Variants in CLPB observed in about 807,000 individuals in gnomAD.
CLPB encodes the protein ClpB family mitochondrial disaggregase.
Under a neutral mutation model 78.4 loss-of-function variants are expected in CLPB, and 40 were observed. The ratio of observed to expected loss-of-function variants is 0.51; its 90% CI spans 0.40 to 0.66. The LOEUF (loss-of-function observed/expected upper bound fraction) is 0.66. CLPB is among the 30% of genes least tolerant of loss of function. CLPB has a pLI of 0.00. For synonymous variants in CLPB, 333 were observed against 348.0 expected, an observed-to-expected ratio of 0.96 and a Z score of 0.48; for missense variants, 780 against 886.9, an observed-to-expected ratio of 0.88 and a Z score of 1.53.
intron 4 of CLPB, among the ~76,000 whole-genome samples, chr11:72,375,314 C>G (rs1854653398): frequency 6.6e-6 from 1 of 152,164 alleles, no homozygotes; most frequent in Non-Finnish European, 1.5e-5. Context: ...TAACGGCCTT[C>G]AGAATAGAGA....
Position 72,291,029 on chromosome 11 carries a change from T to C in CLPB, c.*2338A>G, listed in dbSNP as rs1049812849. 1.3e-5 allele frequency: 2 copies of C among 151,862 alleles called. No homozygotes were observed. Among genetic ancestry groups the C allele is most frequent in the African/African-American group, 4.8e-5 (2 of 41,376 alleles). The allele number at this position is 151,862 out of a possible 1,614,324, so 9.4% of individuals were successfully genotyped here. On this transcript the variant is annotated 3_prime_UTR_variant, in exon 16 of 16. Coordinates refer to ENST00000538039, the MANE Select transcript of CLPB (RefSeq NM_001258392.3). ...GAATAGCACAGTATCACTTCTGTGGTTGTCTTGGCAAAAATGCAGATCCTC... is the reference window on the plus strand; with the variant it reads ...GAATAGCACAGTATCACTTCTGTGGCTGTCTTGGCAAAAATGCAGATCCTC...
At chr11:72,399,743 C>T (rs1409183606) in intron 3 of CLPB, among the ~76,000 whole-genome samples, 7 of 152,230 alleles carry the variant, frequency 4.6e-5, no homozygotes, top group African/African-American at 1.4e-4. Context: ...AGGTTCTCTG[C>T]TTTCAGCCTT....
At chr11:72,294,155 G>C (rs1449106154) in intron 14 of CLPB, 29 bp from the exon 15 acceptor site, 5 of 1,609,172 alleles carry the variant, frequency 3.1e-6, no homozygotes, top group Non-Finnish European at 4.3e-6. Context: ...AAGCATGCCT[G>C]CATGTGGCCC....
intron 7 of CLPB, among the ~76,000 whole-genome samples, chr11:72,314,947 T>C (rs1438640391): frequency 6.6e-6 from 1 of 152,072 alleles, no homozygotes; most frequent in Non-Finnish European, 1.5e-5. Context: ...ACAGGAGTGG[T>C]ACTGTTAGAT....
At chr11:72,365,283 T>C (rs927078846) in intron 4 of CLPB, among the ~76,000 whole-genome samples, 7 of 152,218 alleles carry the variant, frequency 4.6e-5, no homozygotes, top group Non-Finnish European at 7.4e-5. Flanking sequence ...GATCACACCA[T>C]TGCACTCCAG....
chr11:72,365,324 A>T (rs149167172), intron 4 of CLPB, among the ~76,000 whole-genome samples: 68 of 152,314 alleles, frequency 4.5e-4, no homozygotes, highest in Admixed American at 3.9e-3. Flanking sequence ...CCTGTCTCAA[A>T]AAATAAAATA....
intron 3 of CLPB, among the ~76,000 whole-genome samples, chr11:72,391,491 C>A (rs181524561): frequency 8.5e-5 from 13 of 152,324 alleles, no homozygotes; most frequent in African/African-American, 2.9e-4. Context: ...TTTCCCAGCT[C>A]CCTGCCCAGT....
At position 72,434,272 on chromosome 11, in the gene CLPB, G is replaced by T. The variant is rs746191886; in HGVS notation, c.203C>A (p.Ala68Glu). 2 of 1,612,892 alleles carry T rather than the reference G, an allele frequency of 1.2e-6. No individual in the cohort carries two copies. The highest frequency in any genetic ancestry group is 1.7e-6 in the Non-Finnish European group (2 of 1,179,812). The change falls in exon 1 of 16, where the codon GCA (alanine) becomes GAA (glutamate). Residue 68 changes from alanine (A) to glutamate (E), a missense_variant. Physicochemically the swap from Ala to Glu is moderately radical, Grantham distance 107. Coordinates refer to ENST00000538039, the MANE Select transcript of CLPB (RefSeq NM_001258392.3). ...TSPALFSGRG[A>E]ATGGRQGGRF... ...TCCTCCCTGGCGCCCCCCGGTGGCT[G>T]CCCCACGTCCGGAGAACAAGGCCGG...
chr11:72,424,916 CAAA>C (rs936178645), intron 2 of CLPB, among the ~76,000 whole-genome samples: 1 of 150,508 alleles, frequency 6.6e-6, no homozygotes, highest in Non-Finnish European at 1.5e-5. Flanking sequence ...AAAAAAAACA[CAAA>C]AAAAAACTTA....
At chr11:72,334,242 G>A (rs1232524094) in intron 5 of CLPB, among the ~76,000 whole-genome samples, 2 of 152,190 alleles carry the variant, frequency 1.3e-5, no homozygotes, top group Non-Finnish European at 2.9e-5. Flanking sequence ...AGGATGGGAT[G>A]GGGACAGGTA....
intron 2 of CLPB, among the ~76,000 whole-genome samples, chr11:72,427,661 G>A (rs1856424677): frequency 6.6e-6 from 1 of 152,180 alleles, no homozygotes. Context: ...GTGCTATACA[G>A]ATTCCTAGCC....
intron 7 of CLPB, among the ~76,000 whole-genome samples, chr11:72,314,634 A>C (rs1949906924): frequency 6.6e-6 from 1 of 152,082 alleles, no homozygotes; most frequent in Non-Finnish European, 1.5e-5. Context: ...GGGAGCACAA[A>C]AACGATTAAG....
At chr11:72,304,612 G>C (rs1373437922) in intron 9 of CLPB, among the ~76,000 whole-genome samples, 2 of 152,096 alleles carry the variant, frequency 1.3e-5, no homozygotes, top group African/African-American at 4.8e-5. Context: ...AGGCTAATGA[G>C]AGAAAAAAAT....
intron 2 of CLPB, among the ~76,000 whole-genome samples, chr11:72,416,596 CATGGTGG>C (rs1856031523): frequency 2.0e-5 from 3 of 151,720 alleles, no homozygotes; most frequent in Non-Finnish European, 4.4e-5. Context: ...ATTAGCCAGG[CATGGTGG>C]CACGTGCCTG....
intron 11 of CLPB, among the ~76,000 whole-genome samples, chr11:72,299,817 G>A (rs1949622012): frequency 6.6e-6 from 1 of 152,164 alleles, no homozygotes; most frequent in East Asian, 1.9e-4. Context: ...GCTGGGGGAA[G>A]GGGCGACAAC....
chr11:72,380,971 G>A (rs1438827151), intron 3 of CLPB, among the ~76,000 whole-genome samples: 3 of 152,188 alleles, frequency 2.0e-5, no homozygotes, highest in Non-Finnish European at 4.4e-5. Context: ...GATCAAGAAA[G>A]CCCTTACGGC....
intron 3 of CLPB, among the ~76,000 whole-genome samples, chr11:72,397,325 C>G (rs1465594726): frequency 6.6e-6 from 1 of 152,152 alleles, no homozygotes; most frequent in Non-Finnish European, 1.5e-5. Context: ...AATAAAGCTG[C>G]TATAAATATT....
In CLPB at chr11:72,394,626, C is replaced by G. The variant is rs577120878; in HGVS notation, c.542+8340G>C. The stretch of plus-strand genomic sequence containing the variant: ...GAGGTTGAGGCATGTGTCTGCCAAA[C>G]TACGAGTGCATGCTGGAATTGGAAT... On this transcript the variant is annotated intron_variant, in intron 3 of 15. Transcript: ENST00000538039. Among the ~76,000 whole-genome samples, 207 of 152,304 alleles carry G rather than the reference C, an allele frequency of 1.4e-3. 1 individual carries two copies. The highest frequency in any genetic ancestry group is 1.5e-3 in the Admixed American group (23 of 15,302).
chr11:72,374,902 GA>G (rs1426116185), intron 4 of CLPB, among the ~76,000 whole-genome samples: 2 of 152,086 alleles, frequency 1.3e-5, no homozygotes, highest in Non-Finnish European at 2.9e-5. Context: ...AACTCCCAAG[GA>G]AATGGAAAAT....
Sources: gnomAD v4.1 joint callset for allele counts (sites outside exome capture counted in the v4.1 genomes callset) on GRCh38, gnomAD v4.1.1 for gene constraint, MANE v1.5 for transcripts, NCBI Gene and HGNC (gene_info 2026-07-23, HGNC 2026-07-21) for gene names.